SNTG1: variants seen among roughly 807,000 people sequenced by gnomAD.
SNTG1 encodes gamma-1-syntrophin.
Under a neutral mutation model 74.7 loss-of-function variants are expected in SNTG1, and 39 were observed. That is an observed-to-expected ratio of 0.52 (90% CI 0.40 to 0.68). The LOEUF (loss-of-function observed/expected upper bound fraction) is 0.68, where lower values mean the gene tolerates loss of function less well. Among genes scored for constraint, SNTG1 ranks in the 30% least tolerant of loss-of-function variants. The probability of loss-of-function intolerance (pLI) is 0.00; values close to 1 mark genes in which losing one functional copy is unlikely to be tolerated. For missense variants in SNTG1, 685 were observed against 609.5 expected, an observed-to-expected ratio of 1.12 and a Z score of -1.30; for synonymous variants, 254 against 217.1, an observed-to-expected ratio of 1.17 and a Z score of -1.49.
chr8:50,535,435 C>T (rs1267032315), intron 10 of SNTG1, among the ~76,000 whole-genome samples: 3 of 152,064 alleles, frequency 2.0e-5, no homozygotes, highest in Admixed American at 6.6e-5. Flanking sequence ...TGACATGAGG[C>T]CAGGAGAAAG....
chr8:50,201,793 T>G (rs1346487299), intron 2 of SNTG1, among the ~76,000 whole-genome samples: 3 of 152,180 alleles, frequency 2.0e-5, no homozygotes, highest in Non-Finnish European at 4.4e-5. Flanking sequence ...TGTATCTATA[T>G]TCAGCTAAAC....
At chr8:50,423,788 T>C (rs2093127218) in intron 4 of SNTG1, among the ~76,000 whole-genome samples, 1 of 152,022 alleles carries the variant, frequency 6.6e-6, no homozygotes, top group Non-Finnish European at 1.5e-5. Flanking sequence ...ATAAAACCTA[T>C]GGAAATTGGC....
At chr8:50,667,789 G>A (rs1411859582) in intron 15 of SNTG1, among the ~76,000 whole-genome samples, 1 of 151,798 alleles carries the variant, frequency 6.6e-6, no homozygotes, top group East Asian at 1.9e-4. Flanking sequence ...AAGGTTGATT[G>A]CTTTACATTT....
At chr8:50,511,749 T>G (rs1326796497) in intron 9 of SNTG1, among the ~76,000 whole-genome samples, 1 of 152,224 alleles carries the variant, frequency 6.6e-6, no homozygotes, top group African/African-American at 2.4e-5. Context: ...TCTGCCTTTT[T>G]TTGTTTTCCA....
intron 2 of SNTG1, among the ~76,000 whole-genome samples, chr8:50,322,346 T>C (rs1301297697): frequency 1.3e-5 from 2 of 152,174 alleles, no homozygotes; most frequent in African/African-American, 4.8e-5. Flanking sequence ...ACTTTAAGTA[T>C]ACCATGTCAG....
Position 50,024,371 on chromosome 8 carries a change from C to T in SNTG1, c.-103+112140C>T, listed in dbSNP as rs542546744. Reference sequence around the variant, plus strand: ...ATAATTATATAACTTCAGAGCAAGACGGCATTAGTCACTTACTAAAGGAAA... The same window carrying T: ...ATAATTATATAACTTCAGAGCAAGATGGCATTAGTCACTTACTAAAGGAAA... On this transcript the variant is annotated intron_variant, in intron 1 of 18. Transcript: ENST00000642720. Among the ~76,000 whole-genome samples, 14 of 152,226 alleles carry T rather than the reference C, an allele frequency of 9.2e-5. No homozygotes were observed. In the South Asian group the frequency reaches 1.7e-3, roughly 18 times the overall value.
rs141340559 is a variant in SNTG1, at chr8:50,605,323, A to G, written c.849+14406A>G. On this transcript the variant is annotated intron_variant, in intron 13 of 18. Coordinates refer to ENST00000642720, the MANE Select transcript of SNTG1 (RefSeq NM_018967.5). Reference sequence around the variant, plus strand: ...AGCCTAGCACTAGGAATTCCATAGGAATGTCAGTCCTTGTGGCTTAGACTG... The same window carrying G: ...AGCCTAGCACTAGGAATTCCATAGGGATGTCAGTCCTTGTGGCTTAGACTG... Among the ~76,000 whole-genome samples the G allele has an allele frequency of 3.3e-4, 50 of 152,180 alleles. No homozygotes were observed. The East Asian group carries it at 9.5e-3, about 29-fold the overall frequency.
intron 17 of SNTG1, among the ~76,000 whole-genome samples, chr8:50,726,676 C>T (rs112716712): frequency 0.022 from 3,298 of 152,092 alleles, 103 homozygotes; most frequent in African/African-American, 0.071. Context: ...AGTGAAACCC[C>T]GTCTCTACTA....
At chr8:50,448,266 T>A (rs894105886) in intron 5 of SNTG1, among the ~76,000 whole-genome samples, 1 of 151,986 alleles carries the variant, frequency 6.6e-6, no homozygotes, top group African/African-American at 2.4e-5. Flanking sequence ...ACCTTAATTA[T>A]CATATTTCTT....
chr8:50,584,678 C>T (rs2094635767), intron 12 of SNTG1, among the ~76,000 whole-genome samples: 1 of 151,950 alleles, frequency 6.6e-6, no homozygotes, highest in Admixed American at 6.6e-5. Context: ...TGGTAGCCCT[C>T]TAGGTTTTAG....
chr8:50,556,674 T>C (rs1007467980), intron 12 of SNTG1, among the ~76,000 whole-genome samples: 8 of 152,184 alleles, frequency 5.3e-5, no homozygotes, highest in Non-Finnish European at 1.2e-4. Context: ...TAAGTAAATA[T>C]ATTTGGCATA....
Position 50,349,346 on chromosome 8 carries a change from A to G in SNTG1, c.-27-44866A>G, listed in dbSNP as rs368662920. On this transcript the variant is annotated intron_variant, in intron 2 of 18. Coordinates refer to ENST00000642720, the MANE Select transcript of SNTG1 (RefSeq NM_018967.5). ...AGTCTAGTAGGACAAATTTGCAAGG[A>G]AAGTTAGTTTTTTAATCTATATATT... Among the ~76,000 whole-genome samples the G allele has an allele frequency of 3.9e-5, 6 of 152,268 alleles. No individual in the cohort carries two copies. The East Asian group carries it at 9.6e-4, about 24-fold the overall frequency.
chr8:50,092,824 T>C (rs555838082), intron 1 of SNTG1, among the ~76,000 whole-genome samples: 2 of 152,292 alleles, frequency 1.3e-5, no homozygotes, highest in East Asian at 3.9e-4. Flanking sequence ...GAGTACAATG[T>C]TGCTGTGCTA....
intron 4 of SNTG1, among the ~76,000 whole-genome samples, chr8:50,428,191 T>C (rs545258615): frequency 6.6e-6 from 1 of 152,272 alleles, no homozygotes; most frequent in East Asian, 1.9e-4. Flanking sequence ...ATGCCTGTAG[T>C]CCTAGATACT....
rs1313022198 is a variant in SNTG1 at position 49,928,313 on chromosome 8, C to A, written c.-103+16082C>A. ...TGTGATATCAGCCGCTCATTGCAACCTCTGCCTCCTGGGTTCAAGCGATTC... is the reference window on the plus strand; with the variant it reads ...TGTGATATCAGCCGCTCATTGCAACATCTGCCTCCTGGGTTCAAGCGATTC... On this transcript the variant is annotated intron_variant, in intron 1 of 18. Coordinates refer to ENST00000642720, the MANE Select transcript of SNTG1 (RefSeq NM_018967.5). Among the ~76,000 whole-genome samples, 4 of 151,534 alleles carry A rather than the reference C, an allele frequency of 2.6e-5. No individual in the cohort carries two copies. The East Asian group carries it at 7.8e-4, about 30-fold the overall frequency.
intron 1 of SNTG1, among the ~76,000 whole-genome samples, chr8:50,027,532 G>A (rs1817372160): frequency 6.6e-6 from 1 of 152,144 alleles, no homozygotes; most frequent in Admixed American, 6.5e-5. Flanking sequence ...ACAGAGGAAG[G>A]GTGCCATATG....
intron 1 of SNTG1, among the ~76,000 whole-genome samples, chr8:49,958,452 C>T (rs977538205): frequency 3.3e-5 from 5 of 151,036 alleles, no homozygotes; most frequent in South Asian, 2.1e-4. Flanking sequence ...GAGACAGTCT[C>T]GCTCTGTAGC....
At chr8:50,127,865 T>G (rs892860975) in intron 1 of SNTG1, among the ~76,000 whole-genome samples, 7 of 152,174 alleles carry the variant, frequency 4.6e-5, no homozygotes, top group African/African-American at 1.7e-4. Flanking sequence ...TTGTTTTGTT[T>G]TTCTGACTGT....
chr8:50,197,131 ATTG>A, intron 2 of SNTG1, among the ~76,000 whole-genome samples: 1 of 152,180 alleles, frequency 6.6e-6, no homozygotes, highest in Non-Finnish European at 1.5e-5. Context: ...AGCAAAAATG[ATTG>A]TTATTTATTT....
Sources: allele counts gnomAD v4.1 joint callset (sites outside exome capture counted in the v4.1 genomes callset), GRCh38; gene constraint gnomAD v4.1.1; transcripts MANE v1.5; gene names NCBI Gene and HGNC (gene_info 2026-07-23, HGNC 2026-07-21).